The following GIMAP6 variants were observed in gnomAD, a reference collection of about 807,000 sequenced individuals.
The protein encoded by GIMAP6 is GTPase IMAP family member 6.
GIMAP6 carries 6 observed loss-of-function variants against 9.3 expected under a neutral mutation model. The observed-to-expected ratio is 0.65, with a 90% confidence interval of 0.35 to 1.27. GIMAP6 has a LOEUF of 1.27. Ranked by LOEUF, GIMAP6 falls within the 50% of genes most tolerant of loss-of-function variation. The pLI, the probability that GIMAP6 is intolerant of heterozygous loss-of-function variation, is 0.03. For synonymous variants in GIMAP6, 156 were observed against 151.1 expected (o/e 1.03, Z -0.24); for missense variants, 333 against 359.5 (o/e 0.93, Z 0.60).
At position 150,627,676 on chromosome 7, in the gene GIMAP6, G is replaced by T. The variant is rs748784901; in HGVS notation, c.*43C>A. The T allele has an allele frequency of 2.7e-5, 43 of 1,610,556 alleles. No homozygotes were observed. The highest frequency in any genetic ancestry group is 3.3e-5 in the Non-Finnish European group (39 of 1,177,578). ...GAAACAGAGGGCTGGACACAGGGGGGTGCAAAGGCTGATGGTGTCCTTGGC... is the reference window on the plus strand; with the variant it reads ...GAAACAGAGGGCTGGACACAGGGGGTTGCAAAGGCTGATGGTGTCCTTGGC... On this transcript the variant is annotated 3_prime_UTR_variant, in exon 3 of 3. Transcript: ENST00000328902.
At chr7:150,629,710 C>T (rs1468618235) in intron 2 of GIMAP6, among the ~76,000 whole-genome samples, 1 of 152,184 alleles carries the variant, frequency 6.6e-6, no homozygotes, top group African/African-American at 2.4e-5. Context: ...ATCCAAGCCT[C>T]AGTCCAAGGC....
rs1796298482 is a variant in GIMAP6 at position 150,626,613 on chromosome 7, A to T, written c.*1106T>A. ...TCATGGGCTTCAGAGTTCTCCCATA[A>T]ACCAGGCAGGCTGCCTCGCAAGATG... is the stretch of plus-strand genomic sequence containing the variant. On this transcript the variant is annotated 3_prime_UTR_variant, in exon 3 of 3. Coordinates refer to ENST00000328902, the MANE Select transcript of GIMAP6 (RefSeq NM_024711.6). 6.6e-6 allele frequency: 1 copy of T among 152,290 alleles called. No individual in the cohort carries two copies. The allele number at this position is 152,290 out of a possible 1,614,324, so 9.4% of individuals were successfully genotyped here.
intron 1 of GIMAP6, among the ~76,000 whole-genome samples, chr7:150,631,692 C>T (rs1796394437): frequency 6.6e-6 from 1 of 152,192 alleles, no homozygotes; most frequent in Non-Finnish European, 1.5e-5. Context: ...CGGAATGGCA[C>T]CTCCCATGTT....
chr7:150,628,249 C>T lies in GIMAP6; in HGVS notation c.349G>A (p.Val117Ile), dbSNP rs201051041. 236 of 1,613,984 alleles carry T rather than the reference C, an allele frequency of 1.5e-4. No homozygotes were observed. Among genetic ancestry groups the T allele is most frequent in the Non-Finnish European group, 1.7e-4 (203 of 1,179,968 alleles). The change falls in exon 3 of 3, where the codon GTC becomes ATC. Residue 117 changes from valine (V) to isoleucine (I), a missense_variant. By Grantham distance (29) the Val-to-Ile change is conservative. Transcript: ENST00000328902. ...EVADAICQAI[V>I]LSAPGPHAVL... is the part of the protein sequence containing the mutation. The stretch of plus-strand genomic sequence containing the variant: ...GCGTGGGGCCCTGGGGCGGATAAGA[C>T]GATGGCTTGGCAGATAGCGTCTGCC...
At chr7:150,631,770 T>C (rs1429863225) in intron 1 of GIMAP6, among the ~76,000 whole-genome samples, 1 of 152,236 alleles carries the variant, frequency 6.6e-6, no homozygotes, top group Non-Finnish European at 1.5e-5. Context: ...CATATTGCTC[T>C]GGAAGAAAGC....
Position 150,628,471 on chromosome 7 carries a change from G to C in GIMAP6, c.127C>G (p.Leu43Val). The change falls in exon 3 of 3, where the codon CTC becomes GTC. Residue 43 changes from leucine (L) to valine (V), a missense_variant. Physicochemically the swap from Leu to Val is conservative, Grantham distance 32. Transcript: ENST00000328902. ...KEQKTPRRLR[L>V]ILMGKTGSGK... ...CTCCCTGTTTTCCCCATGAGAATGAGCCTCAGTCTCCTTGGGGTCTTCTGT... is the reference window on the plus strand; with the variant it reads ...CTCCCTGTTTTCCCCATGAGAATGACCCTCAGTCTCCTTGGGGTCTTCTGT... 1 of 1,614,136 alleles carries C rather than the reference G, an allele frequency of 6.2e-7. No homozygotes were observed. Among genetic ancestry groups the C allele is most frequent in the Non-Finnish European group, 8.5e-7 (1 of 1,180,022 alleles).
intron 2 of GIMAP6, among the ~76,000 whole-genome samples, 189 bp downstream of exon 2, chr7:150,629,869 C>A (rs995863333): frequency 4.6e-5 from 7 of 152,166 alleles, no homozygotes; most frequent in South Asian, 2.1e-4. Context: ...ATCCAGGGGT[C>A]TTTTTTCTTA....
At position 150,628,240 on chromosome 7, in the gene GIMAP6, C is replaced by T. The variant is rs760288329; in HGVS notation, c.358G>A (p.Ala120Thr). 23 of 1,614,034 alleles carry T rather than the reference C, an allele frequency of 1.4e-5. No individual in the cohort carries two copies. The highest frequency in any genetic ancestry group is 4.5e-5 in the East Asian group (2 of 44,876). Residue 120 changes from alanine (A) to threonine (T), a missense_variant, in exon 3 of 3, where the codon GCC becomes ACC. Physicochemically the swap from Ala to Thr is moderately conservative, Grantham distance 58. Transcript: ENST00000328902. ...AGGAGCACGGCGTGGGGCCCTGGGG[C>T]GGATAAGACGATGGCTTGGCAGATA... ...DAICQAIVLS[A>T]PGPHAVLLVT...
rs567374806 is a variant in GIMAP6, at chr7:150,631,780, C to A, written c.-1+389G>T. ...CTTGTCATATTGCTCTGGAAGAAAG[C>A]AAAACTCAGAGAAGCATCTTGCCAA... is the stretch of plus-strand genomic sequence containing the variant. On this transcript the variant is annotated intron_variant, in intron 1 of 2. Coordinates refer to ENST00000328902, the MANE Select transcript of GIMAP6 (RefSeq NM_024711.6). Among the ~76,000 whole-genome samples the A allele has an allele frequency of 1.9e-4, 29 of 152,288 alleles. 1 individual carries two copies. Among genetic ancestry groups the A allele is most frequent in the African/African-American group, 6.0e-4 (25 of 41,550 alleles).
chr7:150,627,638 T>G lies in GIMAP6; in HGVS notation c.*81A>C. On this transcript the variant is annotated 3_prime_UTR_variant, in exon 3 of 3. Transcript: ENST00000328902. ...GACCTGGAGACTGGGAAGCACTCCATGGGATGGAAAGAGAAACAGAGGGCT... is the reference window on the plus strand; with the variant it reads ...GACCTGGAGACTGGGAAGCACTCCAGGGGATGGAAAGAGAAACAGAGGGCT... 1.3e-6 allele frequency: 2 copies of G among 1,558,976 alleles called. No homozygotes were observed. Among genetic ancestry groups the G allele is most frequent in the Non-Finnish European group, 8.8e-7 (1 of 1,132,508 alleles).
At position 150,625,542 on chromosome 7, in the gene GIMAP6, T is replaced by C. The variant is rs1469853053; in HGVS notation, c.*2177A>G. ...TCAAAATTTACAAAATTATCTCCTA[T>C]CTGAATGAAAATGCAAATGATTCTA... On this transcript the variant is annotated 3_prime_UTR_variant, in exon 3 of 3. Transcript: ENST00000328902. The C allele has an allele frequency of 6.6e-6, 1 of 152,206 alleles. No homozygotes were observed. The highest frequency in any genetic ancestry group is 2.4e-5 in the African/African-American group (1 of 41,444). 9.4% of individuals were successfully genotyped at this position (152,206 alleles called of 1,614,324 possible).
intron 1 of GIMAP6, among the ~76,000 whole-genome samples, chr7:150,631,575 C>T (rs998688847): frequency 2.6e-5 from 4 of 152,160 alleles, no homozygotes; most frequent in Non-Finnish European, 4.4e-5. Flanking sequence ...AAACAACAGC[C>T]GGGTGGGACT....
intron 2 of GIMAP6, chr7:150,628,850 G>A (rs1404184918): frequency 3.5e-6 from 3 of 854,006 alleles, no homozygotes; most frequent in African/African-American, 1.7e-5. Context: ...CCAAGACCCA[G>A]AGCACATAAA....
rs751062815 is a variant in GIMAP6 at position 150,628,086 on chromosome 7, C to T, written c.512G>A (p.Gly171Asp). 1.9e-5 allele frequency: 31 copies of T among 1,614,168 alleles called. 1 individual carries two copies. The South Asian group carries it at 3.4e-4, about 18-fold the overall frequency. The change falls in exon 3 of 3, where the codon GGC becomes GAC. Residue 171 changes from glycine (G) to aspartate (D), a missense_variant. Physicochemically the swap from Gly to Asp is moderately conservative, Grantham distance 94. Transcript: ENST00000328902. ...VFTRKEDLAGGSLEDYVRETN... is the reference protein window; with the variant it reads ...VFTRKEDLAGDSLEDYVRETN... ...CTCTCGCACATAGTCTTCCAGGGAG[C>T]CGCCAGCCAGGTCTTCCTTCCGGGT...
rs374387304 is a variant in GIMAP6 at position 150,630,103 on chromosome 7, G to T, written c.40C>A (p.Pro14Thr). ...EEYEQIPQEN[P>T]PEELSQDPVL... ...GGATCCTGGGACAGCTCTTCTGGGG[G>T]ATTCTCCTGGGGAATTTGTTCATAT... Residue 14 changes from proline to threonine, a missense_variant, in exon 2 of 3, where the codon CCC (proline) becomes ACC (threonine). Transcript: ENST00000328902. 24 of 1,562,632 alleles carry T rather than the reference G, an allele frequency of 1.5e-5. No homozygotes were observed. The African/African-American group carries it at 1.6e-4, about 10-fold the overall frequency.
At position 150,627,960 on chromosome 7, in the gene GIMAP6, C is replaced by T. The variant is rs187044874; in HGVS notation, c.638G>A (p.Arg213Gln). The T allele has an allele frequency of 6.8e-5, 110 of 1,614,258 alleles. No homozygotes were observed. Among genetic ancestry groups the T allele is most frequent in the Admixed American group, 1.5e-4 (9 of 60,036 alleles). ...GGCTTCAACTTTCTCCATGAGCTCT[C>T]GCAGTTGGGCCTCCTGCTCCTCCCC... is the stretch of plus-strand genomic sequence containing the variant. ...AQGEEQEAQL[R>Q]ELMEKVEAIM... The change falls in exon 3 of 3, where the codon CGA becomes CAA. Residue 213 changes from arginine (R) to glutamine (Q), a missense_variant. By Grantham distance (43) the Arg-to-Gln change is conservative. Transcript: ENST00000328902.
At chr7:150,631,861 A>G (rs1336225513) in intron 1 of GIMAP6, among the ~76,000 whole-genome samples, 4 of 152,172 alleles carry the variant, frequency 2.6e-5, no homozygotes, top group African/African-American at 7.2e-5. Context: ...TGTTGGTCAC[A>G]GCTCTTTTTA....
At position 150,626,841 on chromosome 7, in the gene GIMAP6, G is replaced by A. The variant is rs1192344322; in HGVS notation, c.*878C>T. The A allele has an allele frequency of 6.6e-6, 1 of 152,216 alleles. No individual in the cohort carries two copies. The highest frequency in any genetic ancestry group is 1.5e-5 in the Non-Finnish European group (1 of 68,058). The allele number at this position is 152,216 out of a possible 1,614,324, so 9.4% of individuals were successfully genotyped here. On this transcript the variant is annotated 3_prime_UTR_variant, in exon 3 of 3. Coordinates refer to ENST00000328902, the MANE Select transcript of GIMAP6 (RefSeq NM_024711.6). Reference sequence around the variant, plus strand: ...AGTCTGTGCCTTCTAGGAGCAGAAGGCAAATATCATGAGGGGCCATGAAAC... The same window carrying A: ...AGTCTGTGCCTTCTAGGAGCAGAAGACAAATATCATGAGGGGCCATGAAAC...
At position 150,627,752 on chromosome 7, in the gene GIMAP6, G is replaced by A. The variant is rs991336103; in HGVS notation, c.846C>T (p.Ala282=). 3 of 1,613,908 alleles carry A rather than the reference G, an allele frequency of 1.9e-6. No homozygotes were observed. Among genetic ancestry groups the A allele is most frequent in the Non-Finnish European group, 1.7e-6 (2 of 1,179,948 alleles). ...CAGCCTTCCCCAGCAGGCATCTGTG[G>A]GCTTCCTCAGATTCCTTCTGGATCT... The part of the protein sequence containing the change: ...LSQIQKESEE[A]HRCLLGKADL Residue 282 remains alanine, a synonymous_variant, in exon 3 of 3, where the codon GCC becomes GCT. Coordinates refer to ENST00000328902, the MANE Select transcript of GIMAP6 (RefSeq NM_024711.6).
Sources: allele counts gnomAD v4.1 joint callset (sites outside exome capture counted in the v4.1 genomes callset), GRCh38; gene constraint gnomAD v4.1.1; transcripts MANE v1.5; gene names NCBI Gene and HGNC (gene_info 2026-07-23, HGNC 2026-07-21).